Variants in KCNG4 observed in about 807,000 individuals in gnomAD.
KCNG4 encodes voltage-gated potassium channel regulatory subunit KCNG4.
A neutral mutation model predicts 28.2 loss-of-function variants in KCNG4; 30 were observed. That is an observed-to-expected ratio of 1.06 (90% confidence interval 0.80 to 1.44). The LOEUF (loss-of-function observed/expected upper bound fraction) is 1.44. Among genes scored for constraint, KCNG4 ranks in the 40% most tolerant of loss-of-function variants. The pLI, the probability that KCNG4 is intolerant of heterozygous loss-of-function variation, is 0.00. For missense variants in KCNG4, 879 were observed against 712.3 expected (o/e 1.23, Z -2.66); for synonymous variants, 375 against 315.5 (o/e 1.19, Z -2.00).
chr16:84,234,806 C>T (rs772002652), intron 2 of KCNG4, among the ~76,000 whole-genome samples: 3 of 152,166 alleles, frequency 2.0e-5, no homozygotes, highest in Non-Finnish European at 4.4e-5. Context: ...ATACAAAGCA[C>T]GTGTGTCCAG....
At chr16:84,232,742 T>A (rs1034690936) in intron 2 of KCNG4, among the ~76,000 whole-genome samples, 4 of 151,634 alleles carry the variant, frequency 2.6e-5, no homozygotes, top group Non-Finnish European at 5.9e-5. Context: ...CTACAAAATG[T>A]ACAAAAATTA....
chr16:84,223,024 C>A lies in KCNG4; in HGVS notation c.757-4G>T, dbSNP rs111523042. 6.6e-7 allele frequency: 1 copy of A among 1,516,828 alleles called. No individual in the cohort carries two copies. Among genetic ancestry groups the A allele is most frequent in the South Asian group, 1.3e-5 (1 of 75,044 alleles). 94.0% of individuals were successfully genotyped at this position (1,516,828 alleles called of 1,614,324 possible). A position where few individuals can be genotyped will look rare whatever the true frequency, so the allele number is the denominator to read the frequency against. On this transcript the variant is annotated splice_polypyrimidine_tract_variant and splice_region_variant and intron_variant, in intron 2 of 2. Transcript: ENST00000308251. ...AGCACTTCCGAGAGCATTCGCCCTG[C>A]GGGGAGAAGAGGCAACAACGCGGGG...
At chr16:84,229,595 G>T (rs1904778311) in intron 2 of KCNG4, among the ~76,000 whole-genome samples, 1 of 152,230 alleles carries the variant, frequency 6.6e-6, no homozygotes, top group Non-Finnish European at 1.5e-5. Flanking sequence ...GAGACCTAGG[G>T]ACTCTCCCAG....
Position 84,226,810 on chromosome 16 carries a change from C to T in KCNG4, c.757-3790G>A, listed in dbSNP as rs552029684. Among the ~76,000 whole-genome samples the T allele has an allele frequency of 1.3e-5, 2 of 151,678 alleles. No homozygotes were observed. The highest frequency in any genetic ancestry group is 1.9e-4 in the East Asian group (1 of 5,180). ...AGGAGAATGGCTTGGACCTGGTAGGCGGAGGTTGCAGTGAGCCGAGATTGC... is the reference window on the plus strand; with the variant it reads ...AGGAGAATGGCTTGGACCTGGTAGGTGGAGGTTGCAGTGAGCCGAGATTGC... On this transcript the variant is annotated intron_variant, in intron 2 of 2. Coordinates refer to ENST00000308251, the MANE Select transcript of KCNG4 (RefSeq NM_172347.3). This position sits in a 1 kb window ranked among gnomAD's most constrained non-coding sequence, Gnocchi z 4.1.
At chr16:84,223,832 T>C (rs1302363588) in intron 2 of KCNG4, among the ~76,000 whole-genome samples, 1 of 152,146 alleles carries the variant, frequency 6.6e-6, no homozygotes. Flanking sequence ...ACCCCGGGCA[T>C]TCTGTGACTA....
rs570327544 is a variant in KCNG4 at position 84,222,823 on chromosome 16, C to G, written c.954G>C (p.Glu318Asp). The G allele has an allele frequency of 6.2e-7, 1 of 1,609,994 alleles. No individual in the cohort carries two copies. The highest frequency in any genetic ancestry group is 1.1e-5 in the South Asian group (1 of 90,876). Residue 318 changes from glutamate (E) to aspartate (D), a missense_variant, in exon 3 of 3, where the codon GAG (glutamate) becomes GAC (aspartate). By Grantham distance (45) the Glu-to-Asp change is conservative (BLOSUM62 2). Coordinates refer to ENST00000308251, the MANE Select transcript of KCNG4 (RefSeq NM_172347.3). Reference sequence around the variant, plus strand: ...AGCTCCCGCTCGGCCTCTCGCCGTCCTCCGGGGGCTCCTCAGACACCGCCA... The same window carrying G: ...AGCTCCCGCTCGGCCTCTCGCCGTCGTCCGGGGGCTCCTCAGACACCGCCA... ...VSLAVSEEPPEDGERPSGSSY... is the reference protein window; with the variant it reads ...VSLAVSEEPPDDGERPSGSSY...
intron 2 of KCNG4, among the ~76,000 whole-genome samples, chr16:84,225,418 C>T (rs1259002170): frequency 1.3e-5 from 2 of 152,186 alleles, no homozygotes; most frequent in African/African-American, 2.4e-5. Context: ...CACCAGAAGC[C>T]CCCAGGGTGC....
At chr16:84,230,033 G>A (rs1361715510) in intron 2 of KCNG4, among the ~76,000 whole-genome samples, 1 of 152,116 alleles carries the variant, frequency 6.6e-6, no homozygotes, top group South Asian at 2.1e-4. Flanking sequence ...AGGAGGCAGG[G>A]AGGTGGAAAT....
chr16:84,237,778 C>G (rs922693304), intron 1 of KCNG4, among the ~76,000 whole-genome samples: 2 of 152,196 alleles, frequency 1.3e-5, no homozygotes, highest in Non-Finnish European at 2.9e-5. Context: ...CCAGAATAGA[C>G]GTTGCACGGA....
intron 2 of KCNG4, chr16:84,235,591 A>C (rs1904927676): frequency 6.6e-6 from 1 of 152,086 alleles, no homozygotes; most frequent in Admixed American, 6.6e-5. Context: ...CTGGGATCCT[A>C]CTGTCTGTGA....
At position 84,222,271 on chromosome 16, in the gene KCNG4, G is replaced by A. The variant is rs759939827; in HGVS notation, c.1506C>T (p.Asn502=). 4.2e-5 allele frequency: 67 copies of A among 1,614,086 alleles called. No individual in the cohort carries two copies. The highest frequency in any genetic ancestry group is 5.2e-5 in the Non-Finnish European group (61 of 1,180,052). Residue 502 remains asparagine (N), a synonymous_variant, in exon 3 of 3, where the codon AAC becomes AAT. Transcript: ENST00000308251. The part of the protein sequence containing the change: ...PHVASEHELM[N]DVNDLILEGP... ...CCTCCAGGATTAGGTCATTGACATC[G>A]TTCATGAGCTCATGTTCACTGGCCA...
At chr16:84,225,322 G>T (rs181264838) in intron 2 of KCNG4, among the ~76,000 whole-genome samples, 2 of 152,038 alleles carry the variant, frequency 1.3e-5, no homozygotes, top group African/African-American at 4.8e-5. Flanking sequence ...ACTTTGCAGC[G>T]GCCACTGGCC....
chr16:84,230,606 T>C, intron 2 of KCNG4, among the ~76,000 whole-genome samples: 1 of 152,082 alleles, frequency 6.6e-6, no homozygotes, highest in East Asian at 1.9e-4. Context: ...TCTCTGTGCC[T>C]TCCTTCCCCT....
At chr16:84,235,051 G>T (rs1465359282) in intron 2 of KCNG4, among the ~76,000 whole-genome samples, 1 of 152,194 alleles carries the variant, frequency 6.6e-6, no homozygotes, top group Non-Finnish European at 1.5e-5. Flanking sequence ...CCCAGGAGGA[G>T]ACGTGGCTGC....
rs1904994973 is a variant in KCNG4, at chr16:84,237,320, C to A, written c.166G>T (p.Asp56Tyr). 3 of 1,588,144 alleles carry A rather than the reference C, an allele frequency of 1.9e-6. No individual in the cohort carries two copies. Among genetic ancestry groups the A allele is most frequent in the Non-Finnish European group, 2.6e-6 (3 of 1,166,616 alleles). Residue 56 changes from aspartate to tyrosine, a missense_variant, in exon 2 of 3, where the codon GAC (aspartate) becomes TAC (tyrosine). Coordinates refer to ENST00000308251, the MANE Select transcript of KCNG4 (RefSeq NM_172347.3). ...TTGATCAGGATCTCCTTCTTCAGGT[C>A]CACTGGGGAGGCGTCCAGGGCACCC... ...KVGALDASPVDLKKEILINVG... is the reference protein window; with the variant it reads ...KVGALDASPVYLKKEILINVG...
At chr16:84,224,417 C>CACACAT (rs150124690) in intron 2 of KCNG4, among the ~76,000 whole-genome samples, 18 of 151,148 alleles carry the variant, frequency 1.2e-4, no homozygotes, top group African/African-American at 1.9e-4. Flanking sequence ...CACACACACA[C>CACACAT]ACACACACAC....
chr16:84,224,509 T>G (rs1013288503), intron 2 of KCNG4, among the ~76,000 whole-genome samples: 7 of 152,118 alleles, frequency 4.6e-5, no homozygotes, highest in Non-Finnish European at 7.3e-5. Context: ...GGCAAGGTGT[T>G]GACAACCACA....
chr16:84,236,663 C>T (rs1331116269), intron 2 of KCNG4, 67 bp downstream of exon 2: 3 of 1,485,856 alleles, frequency 2.0e-6, no homozygotes, highest in Non-Finnish European at 2.7e-6. Flanking sequence ...TTCTTGGGCC[C>T]CTAAAAGACA....
At chr16:84,234,050 C>T (rs244809) in intron 2 of KCNG4, among the ~76,000 whole-genome samples, 36,142 of 152,144 alleles carry the variant, frequency 0.24, 4,479 homozygotes, top group Non-Finnish European at 0.27. Context: ...TAGGAGGCAT[C>T]GGTTCTTTCA....
Sources: allele counts gnomAD v4.1 joint callset (sites outside exome capture counted in the v4.1 genomes callset), GRCh38; gene constraint gnomAD v4.1.1; non-coding constraint Gnocchi (gnomAD v3.1); transcripts MANE v1.5; gene names NCBI Gene and HGNC (gene_info 2026-07-23, HGNC 2026-07-21).